UBASH3B: variants seen among roughly 807,000 people sequenced by gnomAD.
UBASH3B encodes ubiquitin associated and SH3 domain containing B.
UBASH3B carries 37 observed loss-of-function variants against 83.4 expected under a neutral mutation model. The observed-to-expected ratio is 0.44, with a 90% CI of 0.34 to 0.58. The LOEUF (loss-of-function observed/expected upper bound fraction) is 0.58, where lower values mean the gene tolerates loss of function less well. UBASH3B is among the 20% of genes least tolerant of loss of function. The pLI, the probability that UBASH3B is intolerant of heterozygous loss-of-function variation, is 0.01. For synonymous variants in UBASH3B, 304 were observed against 318.3 expected (o/e 0.96, Z 0.48); for missense variants, 657 against 827.2 (o/e 0.79, Z 2.52).
chr11:122,806,325 C>A lies in UBASH3B; in HGVS notation c.1596-85C>A, dbSNP rs980224975. On this transcript the variant is annotated intron_variant, in intron 11 of 13. Transcript: ENST00000284273. The surrounding 1 kb of genome is among the most constrained non-coding windows in gnomAD (Gnocchi z 4.0). ...CAGATCTACGGGATCTTTAGAAATG[C>A]CTTGAAATAAAAGTTTAGAGTGATA... The A allele has an allele frequency of 1.5e-5, 18 of 1,175,072 alleles. No individual in the cohort carries two copies. The highest frequency in any genetic ancestry group is 2.4e-5 in the Admixed American group (1 of 41,032). 72.8% of individuals were successfully genotyped at this position (1,175,072 alleles called of 1,614,324 possible). A position where few individuals can be genotyped will look rare whatever the true frequency, so the allele number is the denominator to read the frequency against.
Position 122,759,921 on chromosome 11 carries a change from A to T in UBASH3B, c.162-16298A>T, listed in dbSNP as rs1861343302. 6.6e-6 allele frequency among the ~76,000 whole-genome samples: 1 copy of T among 152,186 alleles called. No homozygotes were observed. Among genetic ancestry groups the T allele is most frequent in the Non-Finnish European group, 1.5e-5 (1 of 68,026 alleles). On this transcript the variant is annotated intron_variant, in intron 1 of 13. Coordinates refer to ENST00000284273, the MANE Select transcript of UBASH3B (RefSeq NM_032873.5). The surrounding 1 kb of genome is among the most constrained non-coding windows in gnomAD (Gnocchi z 4.1). ...TGATTCCATCACCTTTGCCATATAG[A>T]GGTAAGTCATAGGTCTCACCTACAC...
intron 1 of UBASH3B, among the ~76,000 whole-genome samples, chr11:122,746,141 C>A (rs929321240): frequency 6.6e-6 from 1 of 152,168 alleles, no homozygotes; most frequent in African/African-American, 2.4e-5. Flanking sequence ...ACAAAGATGG[C>A]AACCTAGGAC....
chr11:122,766,328 C>T (rs970142228), intron 1 of UBASH3B, among the ~76,000 whole-genome samples: 1 of 152,086 alleles, frequency 6.6e-6, no homozygotes, highest in Admixed American at 6.6e-5. Flanking sequence ...GGGCGGATCA[C>T]GAGGTCAGGA....
intron 1 of UBASH3B, among the ~76,000 whole-genome samples, chr11:122,752,077 T>G (rs952096579): frequency 2.0e-5 from 3 of 152,192 alleles, no homozygotes; most frequent in Admixed American, 2.0e-4. Flanking sequence ...GGGTTTTCAT[T>G]GAAGGAATAG....
intron 1 of UBASH3B, among the ~76,000 whole-genome samples, chr11:122,750,261 A>G (rs891233270): frequency 6.6e-6 from 1 of 152,154 alleles, no homozygotes; most frequent in African/African-American, 2.4e-5. Flanking sequence ...GCTCAGTTGC[A>G]GGGCCCCCCC....
intron 7 of UBASH3B, among the ~76,000 whole-genome samples, chr11:122,795,491 T>A (rs1488515355): frequency 6.6e-6 from 1 of 152,178 alleles, no homozygotes; most frequent in Non-Finnish European, 1.5e-5. Flanking sequence ...AAAGACGGAA[T>A]GCAGAAACAG....
At position 122,806,314 on chromosome 11, in the gene UBASH3B, C is replaced by T; in HGVS notation, c.1596-96C>T. ...GGATAAACAAACAGATCTACGGGAT[C>T]TTTAGAAATGCCTTGAAATAAAAGT... On this transcript the variant is annotated intron_variant, in intron 11 of 13. Coordinates refer to ENST00000284273, the MANE Select transcript of UBASH3B (RefSeq NM_032873.5). The surrounding 1 kb of genome is among the most constrained non-coding windows in gnomAD (Gnocchi z 4.0). The T allele has an allele frequency of 9.3e-7, 1 of 1,073,722 alleles. No individual in the cohort carries two copies. Among genetic ancestry groups the T allele is most frequent in the Non-Finnish European group, 1.4e-6 (1 of 732,380 alleles). The allele number at this position is 1,073,722 out of a possible 1,614,324, so 66.5% of individuals were successfully genotyped here. A position where few individuals can be genotyped will look rare whatever the true frequency, so the allele number is the denominator to read the frequency against.
chr11:122,779,153 T>G (rs1361264006), intron 3 of UBASH3B, among the ~76,000 whole-genome samples: 1 of 152,186 alleles, frequency 6.6e-6, no homozygotes, highest in Non-Finnish European at 1.5e-5. Context: ...TTCTCCTAAG[T>G]GAAGTTTTAC....
At chr11:122,694,305 G>GT (rs766263085) in intron 1 of UBASH3B, among the ~76,000 whole-genome samples, 27 of 151,724 alleles carry the variant, frequency 1.8e-4, no homozygotes, top group African/African-American at 3.4e-4. Flanking sequence ...TTTTTGTTTT[G>GT]TTTTTTTAAT....
chr11:122,762,738 C>T (rs1008414149), intron 1 of UBASH3B, among the ~76,000 whole-genome samples: 1 of 152,218 alleles, frequency 6.6e-6, no homozygotes, highest in African/African-American at 2.4e-5. Context: ...GGTTTTCTCT[C>T]TCCCTGAATC....
chr11:122,688,010 G>A (rs1863829740), intron 1 of UBASH3B, among the ~76,000 whole-genome samples: 1 of 152,024 alleles, frequency 6.6e-6, no homozygotes, highest in Non-Finnish European at 1.5e-5. Flanking sequence ...TTAGAACATA[G>A]GGGTCTGGGC....
chr11:122,792,475 C>T (rs534821765), intron 6 of UBASH3B, among the ~76,000 whole-genome samples: 3 of 151,932 alleles, frequency 2.0e-5, no homozygotes, highest in East Asian at 1.9e-4. Flanking sequence ...TGTGCCACCA[C>T]GCCCAGCTAA....
chr11:122,748,745 C>T (rs1000407314), intron 1 of UBASH3B, among the ~76,000 whole-genome samples: 1 of 152,150 alleles, frequency 6.6e-6, no homozygotes, highest in Non-Finnish European at 1.5e-5. Flanking sequence ...GGCCTGCTGC[C>T]CACCCAACTC....
intron 1 of UBASH3B, among the ~76,000 whole-genome samples, chr11:122,668,799 C>T (rs1357712781): frequency 1.3e-5 from 2 of 152,166 alleles, no homozygotes; most frequent in African/African-American, 4.8e-5. Flanking sequence ...CAATTGGGTC[C>T]TGGTACTTTG....
At chr11:122,790,669 A>G (rs1450477035) in intron 6 of UBASH3B, among the ~76,000 whole-genome samples, 1 of 152,130 alleles carries the variant, frequency 6.6e-6, no homozygotes, top group Non-Finnish European at 1.5e-5. Context: ...GTGTATGGCC[A>G]GGTGCGGTGG....
chr11:122,659,651 G>A (rs1188037307), intron 1 of UBASH3B, among the ~76,000 whole-genome samples: 1 of 152,250 alleles, frequency 6.6e-6, no homozygotes, highest in South Asian at 2.1e-4. Context: ...CTGGAGGGCT[G>A]AGCATAATGA....
chr11:122,728,406 G>A (rs1860782746), intron 1 of UBASH3B, among the ~76,000 whole-genome samples: 1 of 152,204 alleles, frequency 6.6e-6, no homozygotes, highest in Non-Finnish European at 1.5e-5. Context: ...TCGGGGGATT[G>A]GGAATTAAGC....
Position 122,699,531 on chromosome 11 carries a change from C to CTCTTTCTTTCTTTCTTTCTT in UBASH3B, c.161+43347_161+43366dup, listed in dbSNP as rs60346108. On this transcript the variant is annotated intron_variant, in intron 1 of 13. Transcript: ENST00000284273. ...TTTCTTTCTTTCTCTTTCTTTCTTT[C>CTCTTTCTTTCTTTCTTTCTT]TCTTTCTTTCTTTCTTTCTTTCTTT... 5.1e-3 allele frequency among the ~76,000 whole-genome samples: 546 copies of CTCTTTCTTTCTTTCTTTCTT among 107,894 alleles called. 3 individuals carry two copies. Among genetic ancestry groups the CTCTTTCTTTCTTTCTTTCTT allele is most frequent in the African/African-American group, 0.012 (352 of 28,430 alleles). 70.8% of individuals were successfully genotyped at this position (107,894 alleles called of 152,430 possible).
In UBASH3B at chr11:122,808,490, GGTTGGATCAATAGAGGTCA is replaced by G. The variant is rs1450474372; in HGVS notation, c.1812+317_1812+335del. ...CTCTGAATTTCCCTGAGGGAACTTGGGTTGGATCAATAGAGGTCAGTCCAAAAGACAGCATCTGAAAGCT... is the reference window on the plus strand; with the variant it reads ...CTCTGAATTTCCCTGAGGGAACTTGGGTCCAAAAGACAGCATCTGAAAGCT... On this transcript the variant is annotated intron_variant, in intron 13 of 13. Transcript: ENST00000284273. Among the ~76,000 whole-genome samples the G allele has an allele frequency of 3.3e-5, 5 of 152,284 alleles. No homozygotes were observed. In the East Asian group the frequency reaches 9.7e-4, roughly 29 times the overall value.
Sources: gnomAD v4.1 joint callset for allele counts (sites outside exome capture counted in the v4.1 genomes callset) on GRCh38, gnomAD v4.1.1 for gene constraint, Gnocchi (gnomAD v3.1) non-coding constraint, MANE v1.5 for transcripts, NCBI Gene and HGNC (gene_info 2026-07-23, HGNC 2026-07-21) for gene names.